FOXN3: variants seen among roughly 807,000 people sequenced by gnomAD.
FOXN3 encodes the protein forkhead box N3, also known as forkhead box protein N3.
FOXN3 carries 7 observed loss-of-function variants against 38.4 expected under a neutral mutation model. The observed-to-expected ratio is 0.18, with a 90% confidence interval of 0.10 to 0.34. FOXN3 has a LOEUF of 0.34. FOXN3 is among the 10% of genes least tolerant of loss of function. The pLI is 1.00. For synonymous variants in FOXN3, 230 were observed against 242.2 expected (o/e 0.95, Z 0.47); for missense variants, 456 against 613.4 (o/e 0.74, Z 2.71).
At chr14:89,288,800 T>C (rs1372421069) in intron 3 of FOXN3, among the ~76,000 whole-genome samples, 2 of 142,328 alleles carry the variant, frequency 1.4e-5, no homozygotes, top group South Asian at 2.4e-4. Context: ...CATTATACTA[T>C]AATTCATTAA....
At chr14:89,609,399 C>T (rs776956735) in intron 1 of FOXN3, among the ~76,000 whole-genome samples, 2 of 152,060 alleles carry the variant, frequency 1.3e-5, no homozygotes, top group African/African-American at 4.8e-5. Flanking sequence ...GATGGGGTTT[C>T]GCCATGTTGC....
In FOXN3 at chr14:89,511,136, C is replaced by CCT. The variant is rs1555358039; in HGVS notation, c.-14-98647_-14-98646insAG. Among the ~76,000 whole-genome samples, 7 of 30,292 alleles carry CCT rather than the reference C, an allele frequency of 2.3e-4. 2 individuals carry two copies. In the Admixed American group the frequency reaches 4.6e-3, roughly 20 times the overall value. 19.9% of individuals were successfully genotyped at this position (30,292 alleles called of 152,430 possible). On this transcript the variant is annotated intron_variant, in intron 1 of 6. Coordinates refer to the FOXN3 transcript ENST00000345097. ...ACCTGCTTGGTGTCTTTCTTTCTTT[C>CCT]TTTCTTTTCTTTCTTTCTTTCTTTC...
chr14:89,232,746 A>C (rs1884854305), intron 4 of FOXN3, among the ~76,000 whole-genome samples: 1 of 152,204 alleles, frequency 6.6e-6, no homozygotes, highest in African/African-American at 2.4e-5. Flanking sequence ...CAGCCTTACG[A>C]GACATAATTT....
At chr14:89,535,883 G>A (rs1454176438) in intron 1 of FOXN3, among the ~76,000 whole-genome samples, 1 of 152,170 alleles carries the variant, frequency 6.6e-6, no homozygotes, top group African/African-American at 2.4e-5. Context: ...ATGGGAGGGA[G>A]ATTTATGTAT....
chr14:89,185,541 T>C (rs552792842), intron 4 of FOXN3: 3 of 152,254 alleles, frequency 2.0e-5, no homozygotes, highest in African/African-American at 7.2e-5. Context: ...ACGCACCTGA[T>C]GTACTGAAGT....
intron 1 of FOXN3, among the ~76,000 whole-genome samples, chr14:89,583,431 C>T (rs558395743): frequency 3.7e-4 from 57 of 152,326 alleles, no homozygotes; most frequent in Middle Eastern, 3.4e-3. Flanking sequence ...TCCCATTTTG[C>T]GCTTCCGCCT....
chr14:89,199,248 G>A (rs1888174660), intron 4 of FOXN3, among the ~76,000 whole-genome samples: 1 of 152,208 alleles, frequency 6.6e-6, no homozygotes, highest in Non-Finnish European at 1.5e-5. Flanking sequence ...AAACACCTTA[G>A]GGGTTCTTGT....
At chr14:89,587,074 G>A (rs1394231522) in intron 1 of FOXN3, among the ~76,000 whole-genome samples, 1 of 152,240 alleles carries the variant, frequency 6.6e-6, no homozygotes, top group African/African-American at 2.4e-5. Flanking sequence ...GCAGGCTGGA[G>A]ACCCAGGGAA....
At position 89,180,759 on chromosome 14, in the gene FOXN3, G is replaced by A. The variant is rs1182850105; in HGVS notation, c.793C>T (p.Leu265=). The A allele has an allele frequency of 1.2e-6, 2 of 1,612,736 alleles. No individual in the cohort carries two copies. The highest frequency in any genetic ancestry group is 2.7e-5 in the African/African-American group (2 of 75,028). The change falls in exon 5 of 6, where the codon CTG becomes TTG. Residue 265 remains leucine (L), a synonymous_variant. Coordinates refer to ENST00000557258, the MANE Select transcript of FOXN3 (RefSeq NM_005197.4). ...GGCAGCGGCCGCACGCCAGGAAACA[G>A]CCCTCGGCTCAGGACCCGCGCTCCA... ...QNGARVLSRG[L]FPGVRPLPIT... is the part of the protein sequence containing the mutation.
intron 2 of FOXN3, among the ~76,000 whole-genome samples, chr14:89,400,919 A>G (rs61984692): frequency 0.17 from 25,092 of 151,958 alleles, 2,109 homozygotes; most frequent in Non-Finnish European, 0.18. Context: ...CCATGGAAGG[A>G]ACTACTATTT....
intron 4 of FOXN3, among the ~76,000 whole-genome samples, chr14:89,265,116 G>A (rs1885930725): frequency 6.6e-6 from 1 of 152,142 alleles, no homozygotes; most frequent in Non-Finnish European, 1.5e-5. Context: ...TTTAGAAATT[G>A]TATTATGAAA....
At chr14:89,193,051 G>C (rs1888002723) in intron 4 of FOXN3, among the ~76,000 whole-genome samples, 1 of 152,074 alleles carries the variant, frequency 6.6e-6, no homozygotes, top group Admixed American at 6.6e-5. Flanking sequence ...CCTCGTTTTA[G>C]AAAGGGCCTT....
intron 1 of FOXN3, among the ~76,000 whole-genome samples, chr14:89,468,573 CT>C (rs1161619702): frequency 1.3e-5 from 2 of 152,270 alleles, no homozygotes; most frequent in South Asian, 2.1e-4. Flanking sequence ...TGTGCCTCAG[CT>C]TTTTGATCTG....
At chr14:89,378,188 C>G (rs1890537883) in intron 2 of FOXN3, among the ~76,000 whole-genome samples, 1 of 152,226 alleles carries the variant, frequency 6.6e-6, no homozygotes, top group Non-Finnish European at 1.5e-5. Context: ...ACAGCTTTTG[C>G]TACCTTGTGC....
At chr14:89,291,582 A>G (rs4904535) in intron 3 of FOXN3, 499,288 of 539,330 alleles carry the variant, frequency 0.93, 231,345 homozygotes, top group East Asian at 0.98. Flanking sequence ...AGCAGTCCCT[A>G]CATGTCTGCC....
chr14:89,251,195 C>G (rs886170240), intron 4 of FOXN3, among the ~76,000 whole-genome samples: 1 of 152,216 alleles, frequency 6.6e-6, no homozygotes, highest in African/African-American at 2.4e-5. Context: ...TCCTCCTTTT[C>G]TAGCCTCCAG....
chr14:89,345,590 T>C (rs545201543), intron 3 of FOXN3, among the ~76,000 whole-genome samples: 16 of 152,264 alleles, frequency 1.1e-4, no homozygotes, highest in African/African-American at 2.6e-4. Flanking sequence ...TGTCACCCCA[T>C]AGATAGTCTT....
At chr14:89,554,572 A>G (rs1300291100) in intron 1 of FOXN3, among the ~76,000 whole-genome samples, 1 of 152,206 alleles carries the variant, frequency 6.6e-6, no homozygotes, top group African/African-American at 2.4e-5. Context: ...ATATAGTATA[A>G]ACTTCAAAAA....
At chr14:89,301,522 C>T (rs1887217338) in intron 3 of FOXN3, among the ~76,000 whole-genome samples, 1 of 151,086 alleles carries the variant, frequency 6.6e-6, no homozygotes, top group African/African-American at 2.4e-5. Flanking sequence ...GTAATCCCAG[C>T]ACTTTGGGAG....
Sources: allele counts gnomAD v4.1 joint callset (sites outside exome capture counted in the v4.1 genomes callset), GRCh38; gene constraint gnomAD v4.1.1; transcripts MANE v1.5; gene names NCBI Gene and HGNC (gene_info 2026-07-23, HGNC 2026-07-21).